Variants in KHDRBS2 observed in about 807,000 individuals in gnomAD.
KHDRBS2 encodes KH RNA binding domain containing, signal transduction associated 2.
Under a neutral mutation model 44.3 loss-of-function variants are expected in KHDRBS2, and 26 were observed. The observed-to-expected ratio is 0.59, with a 90% CI of 0.43 to 0.81. The LOEUF (loss-of-function observed/expected upper bound fraction) is 0.81. Among genes scored for constraint, KHDRBS2 ranks in the 40% least tolerant of loss-of-function variants. The pLI, the probability that KHDRBS2 is intolerant of heterozygous loss-of-function variation, is 0.00. For missense variants in KHDRBS2, 476 were observed against 433.1 expected (o/e 1.10, Z -0.88); for synonymous variants, 194 against 151.1 (o/e 1.28, Z -2.08).
the KHDRBS2 span, among the ~76,000 whole-genome samples, chr6:61,565,999 GT>G: frequency 1.4e-3 from 10 of 6,940 alleles, no homozygotes; most frequent in South Asian, 0.016. Flanking sequence ...AGAAAATGTG[GT>G]GTGTGTGTGT....
chr6:62,184,044 G>T (rs1298443721), intron 1 of KHDRBS2, among the ~76,000 whole-genome samples: 1 of 151,468 alleles, frequency 6.6e-6, no homozygotes, highest in African/African-American at 2.4e-5. Flanking sequence ...AATGCATTTT[G>T]CTTTTTGTAT....
At chr6:61,557,760 A>G in the KHDRBS2 span, among the ~76,000 whole-genome samples, 946 of 152,260 alleles carry the variant, frequency 6.2e-3, 6 homozygotes, top group Non-Finnish European at 0.011. Context: ...CAGTGAAGCT[A>G]TTGGGTCCTG....
intron 2 of KHDRBS2, among the ~76,000 whole-genome samples, chr6:62,128,601 G>T (rs1486520728): frequency 2.6e-5 from 4 of 151,424 alleles, no homozygotes; most frequent in Non-Finnish European, 4.4e-5. Context: ...TATGGCGAAT[G>T]TAGAAGTAAC....
intron 1 of KHDRBS2, among the ~76,000 whole-genome samples, chr6:62,199,658 C>T (rs181678746): frequency 6.6e-6 from 1 of 152,276 alleles, no homozygotes; most frequent in African/African-American, 2.4e-5. Context: ...GGCCATACTG[C>T]CCAAGGTAAT....
chr6:61,604,886 C>A, the KHDRBS2 span, among the ~76,000 whole-genome samples: 1 of 152,220 alleles, frequency 6.6e-6, no homozygotes, highest in East Asian at 1.9e-4. Context: ...TTGGTCTGGC[C>A]TGGCCTTCCC....
At chr6:62,179,274 A>G (rs1439467083) in intron 1 of KHDRBS2, among the ~76,000 whole-genome samples, 1 of 151,674 alleles carries the variant, frequency 6.6e-6, no homozygotes, top group Non-Finnish European at 1.5e-5. Flanking sequence ...AATTTCCCTA[A>G]AGACAAGTAT....
chr6:61,832,961 T>A (rs1792078863), intron 6 of KHDRBS2, among the ~76,000 whole-genome samples: 1 of 152,226 alleles, frequency 6.6e-6, no homozygotes, highest in African/African-American at 2.4e-5. Context: ...TTGATTAAAA[T>A]TAATTTTTTA....
At chr6:61,747,932 G>A (rs902644351) in intron 6 of KHDRBS2, among the ~76,000 whole-genome samples, 1 of 152,146 alleles carries the variant, frequency 6.6e-6, no homozygotes, top group African/African-American at 2.4e-5. Flanking sequence ...TAATAAAAAA[G>A]TATTTTGATA....
the KHDRBS2 span, among the ~76,000 whole-genome samples, chr6:61,592,401 G>A: frequency 1.3e-5 from 2 of 152,198 alleles, no homozygotes; most frequent in Non-Finnish European, 2.9e-5. Context: ...CAAAGGTAAG[G>A]CCAGCAAAGA....
chr6:61,879,118 T>A (rs1467715952), intron 6 of KHDRBS2, among the ~76,000 whole-genome samples: 1 of 151,970 alleles, frequency 6.6e-6, no homozygotes. Flanking sequence ...AATTCCTATG[T>A]ACTTACTACA....
rs541133412 is a variant in KHDRBS2, at chr6:62,189,949, T to C, written c.92-12637A>G. Among the ~76,000 whole-genome samples the C allele has an allele frequency of 9.2e-5, 14 of 151,914 alleles. No homozygotes were observed. The South Asian group carries it at 2.7e-3, about 29-fold the overall frequency. Reference sequence around the variant, plus strand: ...GGAATTCTGGAGCCTAAGGAAAAGGTTGGGGGTTGACATGTAAATGTTTGT... The same window carrying C: ...GGAATTCTGGAGCCTAAGGAAAAGGCTGGGGGTTGACATGTAAATGTTTGT... On this transcript the variant is annotated intron_variant, in intron 1 of 8. Coordinates refer to ENST00000281156, the MANE Select transcript of KHDRBS2 (RefSeq NM_152688.4).
At chr6:62,126,101 G>A (rs1808896758) in intron 2 of KHDRBS2, among the ~76,000 whole-genome samples, 1 of 152,156 alleles carries the variant, frequency 6.6e-6, no homozygotes, top group Non-Finnish European at 1.5e-5. Context: ...CCCTGGGCCA[G>A]CAGGGCACCT....
At chr6:62,131,024 ATAT>A (rs977486718) in intron 2 of KHDRBS2, among the ~76,000 whole-genome samples, 1 of 152,114 alleles carries the variant, frequency 6.6e-6, no homozygotes, top group Non-Finnish European at 1.5e-5. Context: ...ATAAGAATTA[ATAT>A]TATTAACATT....
intron 2 of KHDRBS2, among the ~76,000 whole-genome samples, chr6:62,128,989 ATG>A (rs1009161235): frequency 1.3e-5 from 2 of 148,512 alleles, no homozygotes; most frequent in Non-Finnish European, 2.9e-5. Context: ...GATAAATATA[ATG>A]TGTGTGACTA....
chr6:62,100,943 G>A (rs1371049518), intron 2 of KHDRBS2, among the ~76,000 whole-genome samples: 1 of 152,116 alleles, frequency 6.6e-6, no homozygotes, highest in Non-Finnish European at 1.5e-5. Context: ...ACAAAAAATA[G>A]CAAATTGATG....
intron 2 of KHDRBS2, among the ~76,000 whole-genome samples, chr6:62,103,816 T>G (rs757191361): frequency 6.6e-6 from 1 of 152,104 alleles, no homozygotes; most frequent in Non-Finnish European, 1.5e-5. Flanking sequence ...ACAAGACTGA[T>G]ACCAGTAGTG....
intron 4 of KHDRBS2, among the ~76,000 whole-genome samples, chr6:61,954,551 T>A (rs1289280863): frequency 3.0e-4 from 44 of 147,388 alleles, no homozygotes; most frequent in African/African-American, 1.0e-3. Flanking sequence ...CATATATATG[T>A]ATATATACAC....
At chr6:62,019,020 G>T (rs1205657442) in intron 3 of KHDRBS2, among the ~76,000 whole-genome samples, 1 of 151,866 alleles carries the variant, frequency 6.6e-6, no homozygotes, top group Admixed American at 6.6e-5. Context: ...GACACAATAA[G>T]CTAATTTATG....
chr6:62,072,971 T>A lies in KHDRBS2; in HGVS notation c.220-24977A>T, dbSNP rs1202590820. ...ATTCAGCTGTGAATCCATCTGGTCC[T>A]GGACTTTTTTTGGTTGGTACGCTAT... On this transcript the variant is annotated intron_variant, in intron 2 of 8. Coordinates refer to ENST00000281156, the MANE Select transcript of KHDRBS2 (RefSeq NM_152688.4). Among the ~76,000 whole-genome samples, 2 of 152,088 alleles carry A rather than the reference T, an allele frequency of 1.3e-5. 1 individual carries two copies. Among genetic ancestry groups the A allele is most frequent in the Admixed American group, 1.3e-4 (2 of 15,248 alleles).
Sources: allele counts gnomAD v4.1 joint callset (sites outside exome capture counted in the v4.1 genomes callset), GRCh38; gene constraint gnomAD v4.1.1; transcripts MANE v1.5; gene names NCBI Gene and HGNC (gene_info 2026-07-23, HGNC 2026-07-21).